Variants in DMD observed in about 807,000 individuals in gnomAD.
DMD encodes the protein mutant dystrophin.
In DMD, 63 loss-of-function variants were observed where a neutral mutation model predicts 330.1. The observed-to-expected ratio is 0.19, with a 90% confidence interval of 0.16 to 0.24. The LOEUF (loss-of-function observed/expected upper bound fraction) is 0.24. Ranked by LOEUF, DMD falls within the 10% of genes least tolerant of loss-of-function variation. The pLI is 1.00. For synonymous variants in DMD, 1,223 were observed against 959.8 expected, an observed-to-expected ratio of 1.27 and a Z score of -5.07; for missense variants, 3,344 against 2,684.1, an observed-to-expected ratio of 1.25 and a Z score of -5.43.
At chrX:32,207,263 C>A (rs766779787) in intron 44 of DMD, among the ~76,000 whole-genome samples, 15 of 110,805 alleles carry the variant, frequency 1.4e-4, no homozygotes, top group African/African-American at 3.6e-4. Flanking sequence ...GGGCTCCACC[C>A]TCACGAGTGG....
At chrX:33,120,144 CCAGA>C (rs1345158162) in intron 1 of DMD, among the ~76,000 whole-genome samples, 1 of 112,071 alleles carries the variant, frequency 8.9e-6, no homozygotes, top group Admixed American at 9.5e-5. Context: ...TAGATTCTCC[CCAGA>C]CAGACACTGA....
At chrX:33,079,880 C>T (rs2094901575) in intron 1 of DMD, among the ~76,000 whole-genome samples, 1 of 111,493 alleles carries the variant, frequency 9.0e-6, no homozygotes, top group Non-Finnish European at 1.9e-5. Context: ...ATGAGGATAA[C>T]TGAATTTGTC....
intron 16 of DMD, among the ~76,000 whole-genome samples, chrX:32,551,524 C>A (rs1392106096): frequency 9.0e-5 from 10 of 111,641 alleles, no homozygotes; most frequent in Non-Finnish European, 3.8e-5. Flanking sequence ...AGTCCACAGC[C>A]AACATTATAC....
intron 30 of DMD, among the ~76,000 whole-genome samples, chrX:32,394,916 C>CAAAACAAAAAA (rs2098030291): frequency 7.7e-5 from 3 of 39,032 alleles, no homozygotes; most frequent in African/African-American, 1.6e-4. Context: ...AACAAAAAAA[C>CAAAACAAAAAA]AAAAAAAAAA....
chrX:32,518,091 G>A lies in DMD; in HGVS notation c.2209C>T (p.Arg737Cys), dbSNP rs762960280. 12 of 1,207,649 alleles carry A rather than the reference G, an allele frequency of 9.9e-6. No homozygotes were observed. In the African/African-American group the frequency reaches 1.6e-4, roughly 16 times the overall value. Residue 737 changes from arginine (R) to cysteine (C), a missense_variant, in exon 18 of 79, where the codon CGC (arginine) becomes TGC (cysteine). Arg to Cys is a radical substitution (Grantham distance 180, BLOSUM62 -3). Coordinates refer to ENST00000357033, the MANE Select transcript of DMD (RefSeq NM_004006.3). ...GGACTCTGCAACACAGCTTCTGAGCGAGTAATCCAGCTGTGAAGTTCAGTT... is the reference window on the plus strand; with the variant it reads ...GGACTCTGCAACACAGCTTCTGAGCAAGTAATCCAGCTGTGAAGTTCAGTT... ...DITELHSWIT[R>C]SEAVLQSPEF...
intron 57 of DMD, among the ~76,000 whole-genome samples, chrX:31,488,805 C>G (rs778322631): frequency 2.7e-5 from 3 of 111,949 alleles, no homozygotes; most frequent in African/African-American, 9.7e-5. Context: ...TCCATAGCAG[C>G]AAGAGTCAAC....
At chrX:31,727,615 T>C (rs1220347160) in intron 52 of DMD, among the ~76,000 whole-genome samples, 1 of 112,218 alleles carries the variant, frequency 8.9e-6, no homozygotes, top group East Asian at 2.8e-4. Context: ...CTTGGGTTCC[T>C]GAATGACTTC....
At chrX:32,573,093 T>A (rs1029267508) in intron 15 of DMD, among the ~76,000 whole-genome samples, 6 of 111,457 alleles carry the variant, frequency 5.4e-5, no homozygotes, top group Non-Finnish European at 9.4e-5. Context: ...TTTCATAAGT[T>A]ACCCAGTCCC....
intron 1 of DMD, among the ~76,000 whole-genome samples, chrX:33,074,470 A>T (rs1395845240): frequency 9.4e-6 from 1 of 106,330 alleles, no homozygotes; most frequent in Non-Finnish European, 1.9e-5. Context: ...AACTCCTTTG[A>T]TTCAGTGGTT....
chrX:31,920,938 T>C (rs1223391145), intron 47 of DMD, among the ~76,000 whole-genome samples: 1 of 112,416 alleles, frequency 8.9e-6, no homozygotes, highest in African/African-American at 3.2e-5. Flanking sequence ...CTTCACAATT[T>C]ATGCTGGATT....
intron 52 of DMD, among the ~76,000 whole-genome samples, chrX:31,715,224 G>A (rs7051744): frequency 0.013 from 1,348 of 105,292 alleles, 27 homozygotes; most frequent in African/African-American, 0.045. Context: ...GGTTGGTGGG[G>A]GGGGAGCTGC....
chrX:33,138,316 A>G (rs2047622014), intron 1 of DMD, among the ~76,000 whole-genome samples: 2 of 111,920 alleles, frequency 1.8e-5, no homozygotes, highest in South Asian at 3.7e-4. Context: ...CGACAGGAAG[A>G]AACATCAGAC....
At chrX:32,554,309 C>T (rs1218759939) in intron 16 of DMD, among the ~76,000 whole-genome samples, 1 of 110,801 alleles carries the variant, frequency 9.0e-6, no homozygotes, top group Non-Finnish European at 1.9e-5. Context: ...CTCCAAAAAA[C>T]TAAATGAATC....
intron 2 of DMD, among the ~76,000 whole-genome samples, chrX:32,879,007 C>CAAAAAAAAAAAAAAAAAAAAAA (rs780431879): frequency 9.1e-5 from 6 of 65,744 alleles, no homozygotes; most frequent in Admixed American, 1.7e-4. Flanking sequence ...GACTACGTCT[C>CAAAAAAAAAAAAAAAAAAAAAA]AAAAAAAAAA....
intron 6 of DMD, among the ~76,000 whole-genome samples, chrX:32,814,123 C>T (rs2077556716): frequency 9.0e-6 from 1 of 111,292 alleles, no homozygotes; most frequent in African/African-American, 3.3e-5. Context: ...TTCTGTTTTC[C>T]CTTTGCTCCT....
chrX:32,203,124 A>G (rs937095974), intron 44 of DMD, among the ~76,000 whole-genome samples: 2 of 112,060 alleles, frequency 1.8e-5, no homozygotes, highest in Non-Finnish European at 3.8e-5. Context: ...GCCACTTAAT[A>G]TTGGTTGCCA....
At chrX:33,058,329 G>T (rs781412837) in intron 1 of DMD, among the ~76,000 whole-genome samples, 1 of 111,254 alleles carries the variant, frequency 9.0e-6, no homozygotes. Context: ...CTCTGTCCCA[G>T]GCAGGAGTGT....
intron 56 of DMD, among the ~76,000 whole-genome samples, chrX:31,498,282 G>A (rs1367613112): frequency 1.8e-5 from 2 of 111,900 alleles, no homozygotes; most frequent in African/African-American, 6.5e-5. Flanking sequence ...TGAGGGAATT[G>A]CTTGAGAAAT....
At chrX:32,999,186 A>T (rs777096330) in intron 2 of DMD, among the ~76,000 whole-genome samples, 1 of 112,938 alleles carries the variant, frequency 8.9e-6, no homozygotes, top group South Asian at 3.6e-4. Flanking sequence ...TTAGCTTTGA[A>T]GCAAGCTTGT....
Sources: allele counts gnomAD v4.1 joint callset (sites outside exome capture counted in the v4.1 genomes callset), GRCh38; gene constraint gnomAD v4.1.1; transcripts MANE v1.5; gene names NCBI Gene and HGNC (gene_info 2026-07-23, HGNC 2026-07-21).